Variants in FERMT2 observed in about 807,000 individuals in gnomAD.
FERMT2 encodes the protein FERM domain containing kindlin 2.
Under a neutral mutation model 82.7 loss-of-function variants are expected in FERMT2, and 15 were observed. The ratio of observed to expected loss-of-function variants is 0.18; its 90% CI spans 0.12 to 0.28. The LOEUF (loss-of-function observed/expected upper bound fraction) is 0.28. Ranked by LOEUF, FERMT2 falls within the 10% of genes least tolerant of loss-of-function variation. The pLI is 1.00. For synonymous variants in FERMT2, 274 were observed against 271.5 expected (o/e 1.01, Z -0.09); for missense variants, 645 against 809.4 (o/e 0.80, Z 2.46).
At chr14:52,880,753 C>T (rs932072493) in intron 6 of FERMT2, among the ~76,000 whole-genome samples, 2 of 151,836 alleles carry the variant, frequency 1.3e-5, no homozygotes, top group African/African-American at 4.9e-5. Flanking sequence ...CAAATCATGA[C>T]ACTCTAAGAG....
At chr14:52,939,373 C>CAAAAAAA (rs35130630) in intron 2 of FERMT2, among the ~76,000 whole-genome samples, 3 of 93,238 alleles carry the variant, frequency 3.2e-5, no homozygotes, top group Non-Finnish European at 6.3e-5. Context: ...ACTACGGTCT[C>CAAAAAAA]AAAAAAAAAA....
chr14:52,874,158 C>T lies in FERMT2; in HGVS notation c.1148+19G>A. ...GCTGACAGTTATTAATATTTGGCATCCCTCCTTTTTGTACTTACTTGAAAA... is the reference window on the plus strand; with the variant it reads ...GCTGACAGTTATTAATATTTGGCATTCCTCCTTTTTGTACTTACTTGAAAA... On this transcript the variant is annotated intron_variant, in intron 9 of 14. Transcript: ENST00000341590. 1 of 1,522,844 alleles carries T rather than the reference C, an allele frequency of 6.6e-7. No homozygotes were observed. Among genetic ancestry groups the T allele is most frequent in the Non-Finnish European group, 9.0e-7 (1 of 1,111,966 alleles). 94.3% of individuals were successfully genotyped at this position (1,522,844 alleles called of 1,614,324 possible). A position where few individuals can be genotyped will look rare whatever the true frequency, so the allele number is the denominator to read the frequency against.
chr14:52,948,468 G>A (rs1367210285), intron 2 of FERMT2: 1 of 411,502 alleles, frequency 2.4e-6, no homozygotes, highest in African/African-American at 2.1e-5. Context: ...GAAAGTCAGA[G>A]GCACTTTCTA....
intron 3 of FERMT2, among the ~76,000 whole-genome samples, chr14:52,894,308 C>T (rs550929789): frequency 2.0e-5 from 3 of 152,218 alleles, no homozygotes; most frequent in Admixed American, 2.0e-4. Flanking sequence ...ACACGATGTT[C>T]ACAAATTTCA....
chr14:52,921,774 C>T (rs531069366), intron 2 of FERMT2, among the ~76,000 whole-genome samples: 4 of 152,174 alleles, frequency 2.6e-5, no homozygotes, highest in Admixed American at 2.6e-4. Flanking sequence ...GACTTTAGAA[C>T]ATTTCAGATT....
chr14:52,948,972 A>G (rs1890486711), intron 2 of FERMT2, among the ~76,000 whole-genome samples: 1 of 152,238 alleles, frequency 6.6e-6, no homozygotes, highest in African/African-American at 2.4e-5. Context: ...CCAGAGCTGG[A>G]CAAAAAAGGT....
chr14:52,872,977 G>C, intron 9 of FERMT2, 54 bp from the exon 10 acceptor site: 1 of 1,536,430 alleles, frequency 6.5e-7, no homozygotes, highest in Non-Finnish European at 8.9e-7. Flanking sequence ...CTTTATTAAC[G>C]CTGTATTAGC....
intron 3 of FERMT2, among the ~76,000 whole-genome samples, chr14:52,897,954 C>T (rs755308020): frequency 9.6e-6 from 1 of 104,688 alleles, no homozygotes; most frequent in Non-Finnish European, 1.7e-5. Context: ...CCAGCCTGGG[C>T]AAGGAGAGTG....
At chr14:52,917,927 G>C (rs1025781013) in intron 3 of FERMT2, among the ~76,000 whole-genome samples, 1 of 152,198 alleles carries the variant, frequency 6.6e-6, no homozygotes. Flanking sequence ...CATTGTACAG[G>C]AGCAGCATTT....
At chr14:52,915,789 A>G (rs921792368) in intron 3 of FERMT2, among the ~76,000 whole-genome samples, 2 of 152,256 alleles carry the variant, frequency 1.3e-5, no homozygotes, top group African/African-American at 4.8e-5. Flanking sequence ...TAAAAAGTAC[A>G]TAAAATCAAT....
chr14:52,913,224 C>A (rs867578537), intron 3 of FERMT2, among the ~76,000 whole-genome samples: 1 of 152,158 alleles, frequency 6.6e-6, no homozygotes, highest in Non-Finnish European at 1.5e-5. Context: ...GATATTTAAA[C>A]ATAAATGGGA....
rs141887548 is a variant in FERMT2, at chr14:52,919,215, C to A, written c.299G>T (p.Arg100Leu). 1 of 1,613,986 alleles carries A rather than the reference C, an allele frequency of 6.2e-7. No homozygotes were observed. The highest frequency in any genetic ancestry group is 1.7e-5 in the Admixed American group (1 of 60,008). Reference sequence around the variant, plus strand: ...ATACTTCATGTTGGGAAGCTGCAGGCGGAGCAGTTTGTGCTGAGGGGTGAA... The same window carrying A: ...ATACTTCATGTTGGGAAGCTGCAGGAGGAGCAGTTTGTGCTGAGGGGTGAA... ...LQFTPQHKLL[R>L]LQLPNMKYVK... The change falls in exon 3 of 15, where the codon CGC becomes CTC. Residue 100 changes from arginine (R) to leucine (L), a missense_variant. Physicochemically the swap from Arg to Leu is moderately radical, Grantham distance 102. Transcript: ENST00000341590.
At chr14:52,944,643 C>T (rs1890243991) in intron 2 of FERMT2, among the ~76,000 whole-genome samples, 1 of 152,214 alleles carries the variant, frequency 6.6e-6, no homozygotes, top group African/African-American at 2.4e-5. Flanking sequence ...GAAAAACTAG[C>T]TATTTTCCAC....
chr14:52,941,092 T>C (rs1364764462), intron 2 of FERMT2, among the ~76,000 whole-genome samples: 1 of 152,188 alleles, frequency 6.6e-6, no homozygotes, highest in Middle Eastern at 3.2e-3. Flanking sequence ...AATTGCTAAA[T>C]GGACAAACTG....
chr14:52,943,400 C>A (rs116433237), intron 2 of FERMT2, among the ~76,000 whole-genome samples: 2 of 152,058 alleles, frequency 1.3e-5, no homozygotes, highest in Admixed American at 6.5e-5. Context: ...ATTATATAAT[C>A]TCCTGTAGCT....
At chr14:52,893,166 G>C (rs1324974234) in intron 4 of FERMT2, 127 bp downstream of exon 4, 1 of 781,580 alleles carries the variant, frequency 1.3e-6, no homozygotes, top group Admixed American at 3.0e-5. Flanking sequence ...CTGGCTAATT[G>C]AAGTTTTTGT....
intron 2 of FERMT2, among the ~76,000 whole-genome samples, chr14:52,942,757 A>G (rs897529510): frequency 6.6e-6 from 1 of 152,196 alleles, no homozygotes; most frequent in African/African-American, 2.4e-5. Context: ...ATTTCTTAAT[A>G]ATCTGTGCCT....
chr14:52,928,965 T>C (rs1172895335), intron 2 of FERMT2, among the ~76,000 whole-genome samples: 1 of 152,116 alleles, frequency 6.6e-6, no homozygotes, highest in African/African-American at 2.4e-5. Context: ...GCTCTCCAGG[T>C]GTCTCATCCA....
intron 3 of FERMT2, among the ~76,000 whole-genome samples, chr14:52,913,545 A>G (rs1888444211): frequency 6.6e-6 from 1 of 152,144 alleles, no homozygotes; most frequent in Admixed American, 6.5e-5. Context: ...ATCTATGAGG[A>G]GGGTTGGGAA....
Sources: allele counts gnomAD v4.1 joint callset (sites outside exome capture counted in the v4.1 genomes callset), GRCh38; gene constraint gnomAD v4.1.1; transcripts MANE v1.5; gene names NCBI Gene and HGNC (gene_info 2026-07-23, HGNC 2026-07-21).